Variants in HOOK1 observed in about 807,000 individuals in gnomAD.
HOOK1 encodes the protein hook microtubule tethering protein 1.
A neutral mutation model predicts 112.8 loss-of-function variants in HOOK1; 60 were observed. That is an observed-to-expected ratio of 0.53 (90% CI 0.43 to 0.66). The LOEUF is 0.66. Among genes scored for constraint, HOOK1 ranks in the 30% least tolerant of loss-of-function variants. The pLI is 0.00. For missense variants in HOOK1, 770 were observed against 856.0 expected (o/e 0.90, Z 1.25); for synonymous variants, 294 against 283.8 (o/e 1.04, Z -0.36).
At chr1:59,858,912 G>C (rs547562355) in intron 13 of HOOK1, 73 bp from the exon 14 acceptor site, 12 of 774,258 alleles carry the variant, frequency 1.5e-5, no homozygotes, top group Admixed American at 6.7e-5. Flanking sequence ...AGAGAGGGAG[G>C]GGGGGAAGGA....
intron 12 of HOOK1, among the ~76,000 whole-genome samples, chr1:59,850,419 G>GGTGAT (rs2098406535): frequency 6.7e-6 from 1 of 150,216 alleles, no homozygotes; most frequent in Non-Finnish European, 1.5e-5. Flanking sequence ...GTCTTTTTTT[G>GGTGAT]GTGATGTTTC....
chr1:59,855,984 A>ATATATT (rs2098410511), intron 12 of HOOK1, among the ~76,000 whole-genome samples: 7 of 60,288 alleles, frequency 1.2e-4, no homozygotes, highest in Non-Finnish European at 1.3e-4. Flanking sequence ...ATATATATAT[A>ATATATT]TTTTTTTTTT....
chr1:59,817,199 G>A (rs763843587), intron 1 of HOOK1, among the ~76,000 whole-genome samples: 6 of 152,098 alleles, frequency 3.9e-5, no homozygotes, highest in Non-Finnish European at 7.4e-5. Context: ...CCACTATTCC[G>A]TGTTAAAGTC....
chr1:59,825,672 C>T (rs1425921603), intron 2 of HOOK1, among the ~76,000 whole-genome samples: 1 of 152,116 alleles, frequency 6.6e-6, no homozygotes, highest in Non-Finnish European at 1.5e-5. Context: ...GAGTAAATAA[C>T]AAAGCTAGGA....
intron 12 of HOOK1, among the ~76,000 whole-genome samples, chr1:59,857,507 T>C (rs1471938836): frequency 1.3e-5 from 2 of 152,216 alleles, no homozygotes; most frequent in Non-Finnish European, 2.9e-5. Context: ...AGTGTGTGCA[T>C]TACGTTAATG....
At position 59,847,025 on chromosome 1, in the gene HOOK1, T is replaced by TAA; in HGVS notation, c.789-19_789-18insAA. 6.4e-7 allele frequency: 1 copy of TAA among 1,561,406 alleles called. No individual in the cohort carries two copies. ...ACAAATCATGGAAGTTATAAATACT[T>TAA]ACTTTTTTATTTGTTCAAGGCTTGA... On this transcript the variant is annotated intron_variant, in intron 9 of 21. Coordinates refer to ENST00000371208, the MANE Select transcript of HOOK1 (RefSeq NM_015888.6).
intron 1 of HOOK1, among the ~76,000 whole-genome samples, chr1:59,820,734 G>T (rs907514528): frequency 2.0e-5 from 3 of 152,116 alleles, no homozygotes; most frequent in Admixed American, 6.5e-5. Flanking sequence ...ATATTGTCTA[G>T]AAATGATTTA....
At chr1:59,824,145 T>G (rs931723270) in intron 2 of HOOK1, among the ~76,000 whole-genome samples, 4 of 152,168 alleles carry the variant, frequency 2.6e-5, no homozygotes, top group Non-Finnish European at 5.9e-5. Flanking sequence ...TATGTCCTAT[T>G]CCGATTAAAA....
At chr1:59,862,732 A>T (rs745868242) in intron 15 of HOOK1, 52 bp from the exon 16 acceptor site, 1 of 1,086,122 alleles carries the variant, frequency 9.2e-7, no homozygotes, top group Non-Finnish European at 1.4e-6. Context: ...GTAGATCCTT[A>T]ACTGCTTTGA....
chr1:59,850,284 T>A (rs571128873), intron 12 of HOOK1, among the ~76,000 whole-genome samples: 5 of 151,628 alleles, frequency 3.3e-5, no homozygotes, highest in South Asian at 2.1e-4. Context: ...TTGTCAGGTA[T>A]ATGATTTGCA....
At chr1:59,817,715 C>T (rs537867452) in intron 1 of HOOK1, among the ~76,000 whole-genome samples, 17 of 152,238 alleles carry the variant, frequency 1.1e-4, no homozygotes, top group South Asian at 8.3e-4. Context: ...TGGCTGCTTC[C>T]GTCATTCAGG....
Position 59,834,978 on chromosome 1 carries a change from G to A in HOOK1, c.407-367G>A, listed in dbSNP as rs150989187. Among the ~76,000 whole-genome samples the A allele has an allele frequency of 1.8e-3, 276 of 151,926 alleles. 1 individual carries two copies. Among genetic ancestry groups the A allele is most frequent in the African/African-American group, 6.2e-3 (259 of 41,454 alleles). ...CATCCTAAAAATTTTAATATTATAT[G>A]TAATATTTTCATAATTTACTTCTAA... On this transcript the variant is annotated intron_variant, in intron 5 of 21. Coordinates refer to ENST00000371208, the MANE Select transcript of HOOK1 (RefSeq NM_015888.6).
chr1:59,831,332 T>G (rs943638910), intron 3 of HOOK1, among the ~76,000 whole-genome samples: 2 of 152,188 alleles, frequency 1.3e-5, no homozygotes, highest in East Asian at 1.9e-4. Flanking sequence ...GTGACCTTTT[T>G]GGGGGTCTTT....
At position 59,819,138 on chromosome 1, in the gene HOOK1, ATTTTTTTTTTTT is replaced by A. The variant is rs60936378; in HGVS notation, c.64-2702_64-2691del. 1.6e-4 allele frequency among the ~76,000 whole-genome samples: 12 copies of A among 76,542 alleles called. No homozygotes were observed. The Admixed American group carries it at 1.7e-3, about 11-fold the overall frequency. The allele number at this position is 76,542 out of a possible 152,430, so 50.2% of individuals were successfully genotyped here. A position where few individuals can be genotyped will look rare whatever the true frequency, so the allele number is the denominator to read the frequency against. ...TTTGACCTCACTCGCCCCAATAAGCATTTTTTTTTTTTTTTTTTTTTTTTTTTTTGAGGCGAA... is the reference window on the plus strand; with the variant it reads ...TTTGACCTCACTCGCCCCAATAAGCATTTTTTTTTTTTTTTTTGAGGCGAA... On this transcript the variant is annotated intron_variant, in intron 1 of 21. Coordinates refer to ENST00000371208, the MANE Select transcript of HOOK1 (RefSeq NM_015888.6).
At chr1:59,869,720 T>C (rs916845424) in intron 20 of HOOK1, among the ~76,000 whole-genome samples, 14 of 152,266 alleles carry the variant, frequency 9.2e-5, no homozygotes, top group East Asian at 1.9e-4. Flanking sequence ...TTGCTATCAG[T>C]GCTTGTCCAG....
At position 59,848,352 on chromosome 1, in the gene HOOK1, G is replaced by A. The variant is rs762765443; in HGVS notation, c.967G>A (p.Val323Ile). 1 of 1,611,104 alleles carries A rather than the reference G, an allele frequency of 6.2e-7. No individual in the cohort carries two copies. Among genetic ancestry groups the A allele is most frequent in the Admixed American group, 1.7e-5 (1 of 59,806 alleles). Residue 323 changes from valine (V) to isoleucine (I), a missense_variant, in exon 11 of 22, where the codon GTT becomes ATT. This residue lies in a region of HOOK1 where 655 missense variants were observed against 725.9 expected (regional missense o/e 0.90). Coordinates refer to ENST00000371208, the MANE Select transcript of HOOK1 (RefSeq NM_015888.6). The part of the protein sequence containing the change: ...SDKANKLEST[V>I]EIYRQKLQDL... ...TAAAGCAAATAAACTGGAGTCAACA[G>A]TTGAGATATATCGTCAGAAGCTACA...
Position 59,814,954 on chromosome 1 carries a change from G to A in HOOK1, c.-164G>A, listed in dbSNP as rs2098379898. On this transcript the variant is annotated 5_prime_UTR_variant, in exon 1 of 22. Coordinates refer to ENST00000371208, the MANE Select transcript of HOOK1 (RefSeq NM_015888.6). The stretch of plus-strand genomic sequence containing the variant: ...CGGGGGCGGGTGAGGAGGGGGTGAC[G>A]CCGGACGCGTCGACAGCGCGAGGGT... 4 of 652,166 alleles carry A rather than the reference G, an allele frequency of 6.1e-6. No individual in the cohort carries two copies. The highest frequency in any genetic ancestry group is 1.0e-5 in the Non-Finnish European group (4 of 386,344). The allele number at this position is 652,166 out of a possible 1,614,324, so 40.4% of individuals were successfully genotyped here.
At chr1:59,837,901 A>G (rs143952993) in intron 7 of HOOK1, among the ~76,000 whole-genome samples, 2,768 of 151,552 alleles carry the variant, frequency 0.018, 85 homozygotes, top group African/African-American at 0.063. Context: ...GTGTCCATGT[A>G]TTCTTATTGT....
chr1:59,871,773 A>G (rs1024639630), intron 21 of HOOK1, among the ~76,000 whole-genome samples: 10 of 152,190 alleles, frequency 6.6e-5, no homozygotes, highest in Non-Finnish European at 1.3e-4. Context: ...AAGGCATATC[A>G]CTTTATAAAC....
Sources: allele counts gnomAD v4.1 joint callset (sites outside exome capture counted in the v4.1 genomes callset), GRCh38; gene constraint gnomAD v4.1.1; regional missense constraint gnomAD v4.1.1; transcripts MANE v1.5; gene names NCBI Gene and HGNC (gene_info 2026-07-23, HGNC 2026-07-21).